The following EFHC2 variants were observed in gnomAD, a reference collection of about 807,000 sequenced individuals.
EFHC2 encodes the protein EF-hand domain containing 2.
EFHC2 carries 18 observed loss-of-function variants against 52.7 expected under a neutral mutation model. The observed-to-expected ratio is 0.34, with a 90% CI of 0.24 to 0.51. The LOEUF is 0.51. Among genes scored for constraint, EFHC2 ranks in the 20% least tolerant of loss-of-function variants. EFHC2 has a pLI of 0.97. For missense variants in EFHC2, 513 were observed against 562.5 expected (o/e 0.91, Z 0.89); for synonymous variants, 203 against 204.1 (o/e 0.99, Z 0.04).
chrX:44,151,165 T>C (rs1451205603), intron 14 of EFHC2, among the ~76,000 whole-genome samples: 1 of 111,639 alleles, frequency 9.0e-6, no homozygotes, highest in Non-Finnish European at 1.9e-5. Flanking sequence ...GATTTTGAAC[T>C]GCTAGCCTCC....
chrX:44,162,395 C>T (rs1420324959), intron 14 of EFHC2, among the ~76,000 whole-genome samples: 1 of 111,416 alleles, frequency 9.0e-6, no homozygotes, highest in East Asian at 2.8e-4. Context: ...TGCACTCCAG[C>T]CTGGGCGACA....
At chrX:44,204,086 G>T (rs1230177459) in intron 11 of EFHC2, among the ~76,000 whole-genome samples, 1 of 111,063 alleles carries the variant, frequency 9.0e-6, no homozygotes, top group Non-Finnish European at 1.9e-5. Flanking sequence ...GAACCTATCT[G>T]CAACCAAGGA....
intron 10 of EFHC2, 118 bp from the exon 11 acceptor site, chrX:44,229,897 G>T (rs1166723765): frequency 1.3e-5 from 10 of 762,393 alleles, no homozygotes; most frequent in Non-Finnish European, 1.9e-5. Flanking sequence ...TAGCAGATTT[G>T]TCTTTGCAAA....
chrX:44,312,698 A>T lies in EFHC2; in HGVS notation c.101T>A (p.Met34Lys). 1 of 1,208,450 alleles carries T rather than the reference A, an allele frequency of 8.3e-7. No homozygotes were observed. The highest frequency in any genetic ancestry group is 1.1e-6 in the Non-Finnish European group (1 of 894,269). The change falls in exon 2 of 15, where the codon ATG (methionine) becomes AAG (lysine). Residue 34 changes from methionine (M) to lysine (K), a missense_variant. Transcript: ENST00000420999. ...QHWGFCNNVM[M>K]LVSDEKPGIG... ...TCCAGGCTTTTCATCACTCACCAAC[A>T]TCATAACATTGTTGCAAAAGCCCCA...
At chrX:44,318,827 AG>A (rs2037998366) in intron 1 of EFHC2, among the ~76,000 whole-genome samples, 1 of 110,643 alleles carries the variant, frequency 9.0e-6, no homozygotes, top group African/African-American at 3.3e-5. Context: ...ATAAAACTTG[AG>A]TGGTAGATTC....
intron 4 of EFHC2, 38 bp downstream of exon 4, chrX:44,261,037 T>C: frequency 8.8e-7 from 1 of 1,134,356 alleles, no homozygotes; most frequent in Non-Finnish European, 1.2e-6. Flanking sequence ...GGGATTTTTA[T>C]TTTGAAGACA....
chrX:44,182,033 TC>T (rs1377940827), intron 11 of EFHC2, among the ~76,000 whole-genome samples: 1 of 112,030 alleles, frequency 8.9e-6, no homozygotes, highest in Non-Finnish European at 1.9e-5. Flanking sequence ...CTGAAACATT[TC>T]CATCACCCCA....
chrX:44,282,321 G>A (rs902135092), intron 2 of EFHC2, among the ~76,000 whole-genome samples: 7 of 105,507 alleles, frequency 6.6e-5, no homozygotes, highest in African/African-American at 2.4e-4. Context: ...ACACAGGACT[G>A]GGCCGGGCAC....
intron 3 of EFHC2, among the ~76,000 whole-genome samples, chrX:44,265,428 C>A (rs1431068731): frequency 1.8e-5 from 2 of 110,968 alleles, no homozygotes; most frequent in African/African-American, 3.3e-5. Context: ...ATGGCCACCA[C>A]GCCTGGCTAA....
intron 11 of EFHC2, among the ~76,000 whole-genome samples, chrX:44,192,878 G>A (rs954014136): frequency 4.5e-5 from 5 of 109,899 alleles, no homozygotes; most frequent in African/African-American, 6.6e-5. Flanking sequence ...ATTTTGTTGT[G>A]ACCATAATGA....
intron 1 of EFHC2, among the ~76,000 whole-genome samples, chrX:44,313,109 A>AAAAG (rs1556024250): frequency 8.1e-4 from 85 of 105,019 alleles, no homozygotes; most frequent in Middle Eastern, 4.8e-3. Flanking sequence ...AAAAAAAAAA[A>AAAAG]AAAGAAAGAA....
chrX:44,341,644 C>G (rs1317674209), intron 1 of EFHC2, among the ~76,000 whole-genome samples: 1 of 111,734 alleles, frequency 8.9e-6, no homozygotes, highest in East Asian at 2.8e-4. Context: ...GAGATGAGGT[C>G]TTACTATATT....
At chrX:44,248,217 G>C in intron 7 of EFHC2, 55 bp downstream of exon 7, 1 of 1,019,724 alleles carries the variant, frequency 9.8e-7, no homozygotes, top group Non-Finnish European at 1.3e-6. Context: ...ATCTTAATTA[G>C]GGAACAAACA....
intron 4 of EFHC2, among the ~76,000 whole-genome samples, chrX:44,255,652 T>C (rs770077928): frequency 9.0e-6 from 1 of 111,446 alleles, no homozygotes; most frequent in Non-Finnish European, 1.9e-5. Context: ...CAGAGAGATT[T>C]AGACTCCCAC....
At chrX:44,159,966 C>A (rs1170216667) in intron 14 of EFHC2, among the ~76,000 whole-genome samples, 1 of 112,560 alleles carries the variant, frequency 8.9e-6, no homozygotes, top group Non-Finnish European at 1.9e-5. Context: ...ATCCTCACAA[C>A]CCTAATGGAA....
intron 1 of EFHC2, 49 bp downstream of exon 1, chrX:44,343,498 C>T (rs1249027780): frequency 3.5e-5 from 41 of 1,166,357 alleles, no homozygotes; most frequent in Admixed American, 1.8e-4. Context: ...CCTGCCTGGA[C>T]CCCAGACTCC....
chrX:44,208,893 CTT>C (rs2037069763), intron 11 of EFHC2, among the ~76,000 whole-genome samples: 2 of 111,133 alleles, frequency 1.8e-5, no homozygotes, highest in Non-Finnish European at 3.8e-5. Flanking sequence ...AGCAAACAAA[CTT>C]AATAAAATTG....
chrX:44,305,037 G>A (rs956642481), intron 2 of EFHC2, among the ~76,000 whole-genome samples: 4 of 109,998 alleles, frequency 3.6e-5, no homozygotes, highest in African/African-American at 1.3e-4. Flanking sequence ...TGAGGGGGGT[G>A]GATTACCTGA....
intron 1 of EFHC2, among the ~76,000 whole-genome samples, chrX:44,319,461 T>A: frequency 9.0e-6 from 1 of 111,425 alleles, no homozygotes; most frequent in East Asian, 2.8e-4. Flanking sequence ...CCACCCTAGT[T>A]GGTAATGGAG....
Sources: gnomAD v4.1 joint callset for allele counts (sites outside exome capture counted in the v4.1 genomes callset) on GRCh38, gnomAD v4.1.1 for gene constraint, MANE v1.5 for transcripts, NCBI Gene and HGNC (gene_info 2026-07-23, HGNC 2026-07-21) for gene names.